The following SETBP1 variants were observed in gnomAD, a reference collection of about 807,000 sequenced individuals.
SETBP1 encodes the protein SET-binding protein.
SETBP1 carries 9 observed loss-of-function variants against 101.0 expected under a neutral mutation model. That is an observed-to-expected ratio of 0.09 (90% confidence interval 0.05 to 0.16). The LOEUF is 0.16. Among genes scored for constraint, SETBP1 ranks in the 10% least tolerant of loss-of-function variants. The pLI is 1.00. For synonymous variants in SETBP1, 818 were observed against 788.5 expected, an observed-to-expected ratio of 1.04 and a Z score of -0.63; for missense variants, 1,858 against 2,033.8, an observed-to-expected ratio of 0.91 and a Z score of 1.66.
At position 45,066,960 on chromosome 18, in the gene SETBP1, A is replaced by G. The variant is rs2073975363; in HGVS notation, c.*3262A>G. The G allele has an allele frequency of 6.6e-6, 1 of 152,032 alleles. No individual in the cohort carries two copies. The highest frequency in any genetic ancestry group is 2.4e-5 in the African/African-American group (1 of 41,358). The allele number at this position is 152,032 out of a possible 1,614,324, so 9.4% of individuals were successfully genotyped here. ...ACTTGCTCTTCCACCCCTCATCTCA[A>G]ATGAGAGGAGCAGAAGTTTAACTTC... On this transcript the variant is annotated 3_prime_UTR_variant, in exon 6 of 6. Transcript: ENST00000649279.
intron 2 of SETBP1, among the ~76,000 whole-genome samples, chr18:44,818,559 T>A (rs1025784242): frequency 4.6e-5 from 7 of 152,032 alleles, no homozygotes; most frequent in African/African-American, 1.7e-4. Flanking sequence ...ATGTCTTAAC[T>A]CCCACTCCCA....
chr18:44,823,233 A>C (rs148748230), intron 2 of SETBP1, among the ~76,000 whole-genome samples: 1 of 152,372 alleles, frequency 6.6e-6, no homozygotes, highest in African/African-American at 2.4e-5. Flanking sequence ...TCAAAATCTT[A>C]GAGTGGATAC....
intron 2 of SETBP1, among the ~76,000 whole-genome samples, chr18:44,808,539 A>G (rs1324853767): frequency 6.6e-6 from 1 of 152,202 alleles, no homozygotes; most frequent in Non-Finnish European, 1.5e-5. Context: ...GAGTGAAAGG[A>G]GAGTAATTGT....
chr18:44,923,243 C>A (rs1201967886), intron 3 of SETBP1, among the ~76,000 whole-genome samples: 1 of 152,206 alleles, frequency 6.6e-6, no homozygotes, highest in Non-Finnish European at 1.5e-5. Context: ...CATGGAACTT[C>A]CCTTGCATAA....
At chr18:45,028,618 G>C (rs552902731) in intron 4 of SETBP1, among the ~76,000 whole-genome samples, 7,933 of 152,244 alleles carry the variant, frequency 0.052, 723 homozygotes, top group African/African-American at 0.18. Flanking sequence ...CTAGTTTACA[G>C]TCCCACCAAC....
intron 2 of SETBP1, among the ~76,000 whole-genome samples, chr18:44,838,389 C>G (rs35667056): frequency 1.3e-5 from 2 of 152,130 alleles, no homozygotes; most frequent in African/African-American, 4.8e-5. Flanking sequence ...AAGATTCTAC[C>G]CTTTTTTGAT....
chr18:45,054,143 T>C (rs949127800), intron 5 of SETBP1, among the ~76,000 whole-genome samples: 1 of 152,052 alleles, frequency 6.6e-6, no homozygotes, highest in Admixed American at 6.6e-5. Context: ...AGTTTACCAA[T>C]GCTGCCATTC....
At chr18:44,982,243 G>A (rs924390266) in intron 4 of SETBP1, among the ~76,000 whole-genome samples, 4 of 152,186 alleles carry the variant, frequency 2.6e-5, no homozygotes, top group African/African-American at 9.6e-5. Flanking sequence ...TCATTGAAAT[G>A]CGCACAAGCA....
intron 2 of SETBP1, among the ~76,000 whole-genome samples, chr18:44,758,111 C>T (rs867536369): frequency 2.0e-5 from 3 of 152,120 alleles, no homozygotes; most frequent in Non-Finnish European, 2.9e-5. Flanking sequence ...ATCCGTGTAG[C>T]GTACAGCTCT....
chr18:44,800,571 G>A (rs1365833818), intron 2 of SETBP1, among the ~76,000 whole-genome samples: 1 of 152,168 alleles, frequency 6.6e-6, no homozygotes, highest in Admixed American at 6.5e-5. Flanking sequence ...GTGCAGAGGG[G>A]TGAGCAGGAG....
chr18:44,720,121 T>C (rs1346872036), intron 2 of SETBP1, among the ~76,000 whole-genome samples: 2 of 152,184 alleles, frequency 1.3e-5, no homozygotes, highest in Non-Finnish European at 2.9e-5. Context: ...GGATGATAGA[T>C]ATTGCATACA....
At chr18:44,968,412 G>A (rs540906705) in intron 4 of SETBP1, among the ~76,000 whole-genome samples, 17 of 152,312 alleles carry the variant, frequency 1.1e-4, no homozygotes, top group African/African-American at 4.1e-4. Flanking sequence ...TTGGGAAAGG[G>A]AAGCTGGATA....
rs2071336173 is a variant in SETBP1 at position 44,951,016 on chromosome 18, C to T, written c.1676C>T (p.Pro559Leu). The T allele has an allele frequency of 2.5e-6, 4 of 1,613,972 alleles. No individual in the cohort carries two copies. The highest frequency in any genetic ancestry group is 3.4e-6 in the Non-Finnish European group (4 of 1,180,018). The stretch of plus-strand genomic sequence containing the variant: ...TCTGATAAACTGATGCTGGAGCCCC[C>T]GTCTGCATATCCCATCACCCCATCC... ...ATSDKLMLEPPSAYPITPSSP... is the reference protein window; with the variant it reads ...ATSDKLMLEPLSAYPITPSSP... The change falls in exon 4 of 6, where the codon CCG (proline) becomes CTG (leucine). Residue 559 changes from proline to leucine, a missense_variant. Transcript: ENST00000649279. This position sits in a 1 kb window ranked among gnomAD's most constrained non-coding sequence, Gnocchi z 7.8.
In SETBP1 at chr18:44,759,124, T is replaced by C. The variant is rs532398488; in HGVS notation, c.486+57292T>C. On this transcript the variant is annotated intron_variant, in intron 2 of 5. Coordinates refer to ENST00000649279, the MANE Select transcript of SETBP1 (RefSeq NM_015559.3). ...AATTGGTGAGTCAGTTTTTTTGTGA[T>C]GTGGCAAGGGGAAAATATTTCAGTT... Among the ~76,000 whole-genome samples, 13 of 152,324 alleles carry C rather than the reference T, an allele frequency of 8.5e-5. No homozygotes were observed. In the South Asian group the frequency reaches 2.5e-3, roughly 29 times the overall value.
intron 2 of SETBP1, among the ~76,000 whole-genome samples, chr18:44,852,571 T>C (rs897368335): frequency 6.6e-6 from 1 of 152,192 alleles, no homozygotes; most frequent in Non-Finnish European, 1.5e-5. Flanking sequence ...ACTAATATCA[T>C]TTATTGGTAT....
chr18:45,051,938 T>C (rs2145555800), intron 5 of SETBP1, among the ~76,000 whole-genome samples: 1 of 152,336 alleles, frequency 6.6e-6, no homozygotes, highest in South Asian at 2.1e-4. Flanking sequence ...TAATTGACAG[T>C]GATTTGAATC....
chr18:44,977,534 T>G (rs528123045), intron 4 of SETBP1, among the ~76,000 whole-genome samples: 1 of 152,272 alleles, frequency 6.6e-6, no homozygotes, highest in Non-Finnish European at 1.5e-5. Flanking sequence ...AGACTTGGAA[T>G]TACCCTGATA....
chr18:44,684,484 T>A (rs934475371), intron 1 of SETBP1, among the ~76,000 whole-genome samples: 2 of 152,120 alleles, frequency 1.3e-5, no homozygotes, highest in African/African-American at 4.8e-5. Flanking sequence ...GAGAAGGTTT[T>A]GGAGGACTGT....
chr18:44,767,691 G>T (rs2070787566), intron 2 of SETBP1, among the ~76,000 whole-genome samples: 1 of 152,304 alleles, frequency 6.6e-6, no homozygotes, highest in South Asian at 2.1e-4. Context: ...TTATAATCCT[G>T]GGGGAGATGT....
Sources: allele counts gnomAD v4.1 joint callset (sites outside exome capture counted in the v4.1 genomes callset), GRCh38; gene constraint gnomAD v4.1.1; non-coding constraint Gnocchi (gnomAD v3.1); transcripts MANE v1.5; gene names NCBI Gene and HGNC (gene_info 2026-07-23, HGNC 2026-07-21).